RIN2: variants seen among roughly 807,000 people sequenced by gnomAD.
RIN2 encodes RAB5 interacting protein 2.
Under a neutral mutation model 78.0 loss-of-function variants are expected in RIN2, and 36 were observed. The ratio of observed to expected loss-of-function variants is 0.46; its 90% confidence interval spans 0.35 to 0.61. RIN2 has a LOEUF of 0.61. Ranked by LOEUF, RIN2 falls within the 20% of genes least tolerant of loss-of-function variation. RIN2 has a pLI of 0.00. For synonymous variants in RIN2, 466 were observed against 466.8 expected (o/e 1.00, Z 0.02); for missense variants, 1,087 against 1,159.7 (o/e 0.94, Z 0.91).
intron 2 of RIN2, chr20:19,823,301 C>T: frequency 1.7e-6 from 1 of 583,502 alleles, no homozygotes; most frequent in Non-Finnish European, 3.0e-6. Flanking sequence ...AATCTGGGGA[C>T]TGAATGAAGT....
At chr20:19,913,234 G>GTT (rs374866834) in intron 3 of RIN2, among the ~76,000 whole-genome samples, 21 of 148,576 alleles carry the variant, frequency 1.4e-4, no homozygotes, top group African/African-American at 4.7e-4. Context: ...AGATCTTACT[G>GTT]TTTTTTTTTT....
intron 2 of RIN2, among the ~76,000 whole-genome samples, chr20:19,804,423 A>G (rs138665911): frequency 1.3e-5 from 2 of 152,292 alleles, no homozygotes; most frequent in East Asian, 3.9e-4. Flanking sequence ...GTGGAGTTCT[A>G]TTGGATGCCT....
At chr20:19,867,657 G>A (rs1461973257) in intron 2 of RIN2, among the ~76,000 whole-genome samples, 1 of 152,238 alleles carries the variant, frequency 6.6e-6, no homozygotes, top group African/African-American at 2.4e-5. Flanking sequence ...GAATGCCCCA[G>A]AGTGATGCGG....
chr20:19,990,128 C>A lies in RIN2; in HGVS notation c.1885C>A (p.Gln629Lys). 7.5e-6 allele frequency: 12 copies of A among 1,602,070 alleles called. No individual in the cohort carries two copies. The highest frequency in any genetic ancestry group is 3.4e-5 in the South Asian group (3 of 88,852). The change falls in exon 10 of 13, where the codon CAG (glutamine) becomes AAG (lysine). Residue 629 changes from glutamine to lysine, a missense_variant. By Grantham distance (53) the Gln-to-Lys change is moderately conservative (BLOSUM62 1). Around this residue, in one of 8 missense-constraint regions of RIN2, gnomAD observed 97 missense variants for 104.8 expected, o/e 0.93. Transcript: ENST00000255006. ...GSWKQLKENL[Q>K]LVRQRNPQEL... ...ATGGAAGCAACTCAAGGAGAACCTGCAGCTTGTGCGGCAGAGGAATCCGCA... is the reference window on the plus strand; with the variant it reads ...ATGGAAGCAACTCAAGGAGAACCTGAAGCTTGTGCGGCAGAGGAATCCGCA...
chr20:20,001,067 A>C lies in RIN2; in HGVS notation c.*131A>C. On this transcript the variant is annotated 3_prime_UTR_variant, in exon 13 of 13. Coordinates refer to ENST00000255006, the MANE Select transcript of RIN2 (RefSeq NM_018993.4). Reference sequence around the variant, plus strand: ...CCTCAGTGTAGTGACTAAGCCATCCACAGGCCAACTCGGCCAAGGGCAACT... The same window carrying C: ...CCTCAGTGTAGTGACTAAGCCATCCCCAGGCCAACTCGGCCAAGGGCAACT... 1 of 829,852 alleles carries C rather than the reference A, an allele frequency of 1.2e-6. No homozygotes were observed. The highest frequency in any genetic ancestry group is 1.7e-5 in the African/African-American group (1 of 58,426). 51.4% of individuals were successfully genotyped at this position (829,852 alleles called of 1,614,324 possible).
intron 2 of RIN2, among the ~76,000 whole-genome samples, chr20:19,865,651 C>T (rs1190224105): frequency 1.3e-5 from 2 of 151,946 alleles, no homozygotes; most frequent in Non-Finnish European, 2.9e-5. Context: ...CCAGGCCCAG[C>T]TAATTTTTAT....
At chr20:19,924,436 A>C (rs933638162) in intron 3 of RIN2, among the ~76,000 whole-genome samples, 3 of 38,214 alleles carry the variant, frequency 7.9e-5, no homozygotes, top group Non-Finnish European at 1.6e-4. Flanking sequence ...TCATACCCCC[A>C]CCTTCATACC....
intron 4 of RIN2, among the ~76,000 whole-genome samples, chr20:19,950,470 A>G (rs941585938): frequency 6.6e-6 from 1 of 152,244 alleles, no homozygotes; most frequent in African/African-American, 2.4e-5. Flanking sequence ...AAAGTTGCAA[A>G]GATAGCACTG....
At chr20:19,980,100 A>C (rs962859221) in intron 9 of RIN2, among the ~76,000 whole-genome samples, 3 of 150,932 alleles carry the variant, frequency 2.0e-5, no homozygotes, top group African/African-American at 7.3e-5. Context: ...GAGGCATGTT[A>C]GTGCCAAACA....
At chr20:19,922,884 G>A (rs2039983688) in intron 3 of RIN2, among the ~76,000 whole-genome samples, 1 of 152,178 alleles carries the variant, frequency 6.6e-6, no homozygotes, top group Admixed American at 6.5e-5. Context: ...TTGGAAGAGG[G>A]TGTAAGTCAC....
chr20:19,889,020 C>G (rs1427935924), intron 2 of RIN2: 2 of 563,090 alleles, frequency 3.6e-6, no homozygotes, highest in African/African-American at 2.1e-5. Flanking sequence ...TCCCTGTAAA[C>G]AGTGACAGGA....
chr20:19,986,572 C>G (rs6035504), intron 9 of RIN2, among the ~76,000 whole-genome samples: 59,670 of 152,030 alleles, frequency 0.39, 14,130 homozygotes, highest in East Asian at 0.72. Context: ...GCCAGCACCC[C>G]TCCCTGGCAG....
intron 2 of RIN2, among the ~76,000 whole-genome samples, chr20:19,875,986 C>A (rs1370796212): frequency 1.3e-5 from 2 of 152,104 alleles, no homozygotes; most frequent in Non-Finnish European, 2.9e-5. Flanking sequence ...AGCCGGGGTC[C>A]CTCCCTCTGA....
intron 3 of RIN2, among the ~76,000 whole-genome samples, chr20:19,913,358 G>T (rs2039555075): frequency 6.6e-6 from 1 of 152,014 alleles, no homozygotes; most frequent in Non-Finnish European, 1.5e-5. Flanking sequence ...GTGTTGCCCA[G>T]GCTGTTCTCA....
chr20:19,991,240 AC>A (rs1346623800), intron 10 of RIN2, among the ~76,000 whole-genome samples: 1 of 152,194 alleles, frequency 6.6e-6, no homozygotes, highest in Non-Finnish European at 1.5e-5. Flanking sequence ...TAGCAAGTGA[AC>A]ATCACCTCAC....
At chr20:19,957,327 C>T (rs973814905) in intron 5 of RIN2, among the ~76,000 whole-genome samples, 1 of 152,228 alleles carries the variant, frequency 6.6e-6, no homozygotes, top group African/African-American at 2.4e-5. Context: ...TACTGTCTAT[C>T]CAAGACCACT....
At chr20:19,951,053 C>A (rs116368764) in intron 4 of RIN2, among the ~76,000 whole-genome samples, 21 of 152,182 alleles carry the variant, frequency 1.4e-4, no homozygotes, top group African/African-American at 5.1e-4. Context: ...TCATGCCTGG[C>A]TAATTCTTTT....
At chr20:19,810,022 G>A (rs2035537471) in intron 2 of RIN2, among the ~76,000 whole-genome samples, 1 of 151,888 alleles carries the variant, frequency 6.6e-6, no homozygotes, top group African/African-American at 2.4e-5. Context: ...GAAGCCGGCT[G>A]ACTGCAAGGC....
chr20:19,906,853 T>TG (rs2039241236), intron 3 of RIN2, among the ~76,000 whole-genome samples: 1 of 152,240 alleles, frequency 6.6e-6, no homozygotes, highest in South Asian at 2.1e-4. Context: ...TATAGGCCAC[T>TG]GGAGTATGAC....
Sources: allele counts gnomAD v4.1 joint callset (sites outside exome capture counted in the v4.1 genomes callset), GRCh38; gene constraint gnomAD v4.1.1; regional missense constraint gnomAD v4.1.1; transcripts MANE v1.5; gene names NCBI Gene and HGNC (gene_info 2026-07-23, HGNC 2026-07-21).